HERC2: variants seen among roughly 807,000 people sequenced by gnomAD.
HERC2 encodes the protein E3 ubiquitin-protein ligase HERC2.
HERC2 carries 102 observed loss-of-function variants against 537.7 expected under a neutral mutation model. The ratio of observed to expected loss-of-function variants is 0.19; its 90% confidence interval spans 0.16 to 0.22. HERC2 has a LOEUF of 0.22. Among genes scored for constraint, HERC2 ranks in the 10% least tolerant of loss-of-function variants. HERC2 has a pLI of 1.00. For synonymous variants in HERC2, 2,224 were observed against 2,466.2 expected (o/e 0.90, Z 2.91); for missense variants, 4,236 against 6,198.2 (o/e 0.68, Z 10.63).
At chr15:28,115,614 C>T in intron 88 of HERC2, 73 bp from the exon 89 acceptor site, 1 of 1,013,972 alleles carries the variant, frequency 9.9e-7, no homozygotes, top group Non-Finnish European at 1.5e-6. Context: ...CTCACACACG[C>T]CACTGACAGC....
At chr15:28,290,797 G>A (rs2076289582) in intron 4 of HERC2, among the ~76,000 whole-genome samples, 1 of 152,312 alleles carries the variant, frequency 6.6e-6, no homozygotes, top group Admixed American at 6.5e-5. Context: ...CCAAATTTGT[G>A]AAATGTGGCT....
In HERC2 at chr15:28,124,198, T is replaced by C. The variant is rs369009846; in HGVS notation, c.13027A>G (p.Ile4343Val). Residue 4343 changes from isoleucine (I) to valine (V), a missense_variant, in exon 85 of 93, where the codon ATC (isoleucine) becomes GTC (valine). Transcript: ENST00000261609. ...AGCAGACGGTTCCTCAGCGCAATGATGGGGATCTCCTGCAGGTGATTGTAC... is the reference window on the plus strand; with the variant it reads ...AGCAGACGGTTCCTCAGCGCAATGACGGGGATCTCCTGCAGGTGATTGTAC... Reference protein sequence around the residue: ...MEYNHLQEIPIIALRNRLLLL... With the variant: ...MEYNHLQEIPVIALRNRLLLL... 234 of 1,542,398 alleles carry C rather than the reference T, an allele frequency of 1.5e-4. 1 individual carries two copies. The highest frequency in any genetic ancestry group is 1.2e-3 in the South Asian group (96 of 80,990).
At position 28,149,046 on chromosome 15, in the gene HERC2, A is replaced by G. The variant is rs562879719; in HGVS notation, c.10901-2702T>C. On this transcript the variant is annotated intron_variant, in intron 70 of 92. Transcript: ENST00000261609. The stretch of plus-strand genomic sequence containing the variant: ...CGGCCGCACAAACGTACATTCTAGT[A>G]AAATTACCGAAAAAACAAACGAGAC... Among the ~76,000 whole-genome samples, 70 of 152,048 alleles carry G rather than the reference A, an allele frequency of 4.6e-4. No homozygotes were observed. In the East Asian group the frequency reaches 0.013, roughly 28 times the overall value.
chr15:28,224,166 C>G (rs187911624), intron 35 of HERC2, among the ~76,000 whole-genome samples: 4,013 of 147,710 alleles, frequency 0.027, 188 homozygotes, highest in African/African-American at 0.095. Context: ...CACACACACA[C>G]AGAGAGAGAG....
intron 69 of HERC2, among the ~76,000 whole-genome samples, chr15:28,157,354 G>A (rs1402324157): frequency 6.6e-6 from 1 of 152,186 alleles, no homozygotes; most frequent in Non-Finnish European, 1.5e-5. Context: ...ACAGAATTCA[G>A]CTGTGATTCC....
At chr15:28,145,229 C>A (rs889104502) in intron 71 of HERC2, among the ~76,000 whole-genome samples, 28 of 152,228 alleles carry the variant, frequency 1.8e-4, no homozygotes, top group African/African-American at 6.5e-4. Flanking sequence ...CTAGCTCTCC[C>A]AACAAAAGGC....
In HERC2 at chr15:28,256,246, G is replaced by A. The variant is rs772430807; in HGVS notation, c.2589C>T (p.Asn863=). The A allele has an allele frequency of 3.8e-6, 6 of 1,598,992 alleles. No individual in the cohort carries two copies. The highest frequency in any genetic ancestry group is 2.2e-5 in the East Asian group (1 of 44,872). Residue 863 remains asparagine, a synonymous_variant, in exon 18 of 93, where the codon AAC becomes AAT. Coordinates refer to ENST00000261609, the MANE Select transcript of HERC2 (RefSeq NM_004667.6). ...LGLGLGSILL[N]SLKQTVVTLA... is the part of the protein sequence containing the mutation. ...GGGTCACCACCGTCTGCTTCAGGCT[G>A]TTCAGGAGGATGCTGCCCAGACCTA...
At chr15:28,198,236 A>C in intron 50 of HERC2, 142 bp downstream of exon 50, 1 of 905,166 alleles carries the variant, frequency 1.1e-6, no homozygotes, top group Non-Finnish European at 1.7e-6. Flanking sequence ...CCTTTGGCAG[A>C]AGGCACTGAC....
At chr15:28,214,007 A>C (rs1347567627) in intron 41 of HERC2, 35 bp from the exon 42 acceptor site, 1 of 1,610,252 alleles carries the variant, frequency 6.2e-7, no homozygotes, top group East Asian at 2.2e-5. Flanking sequence ...CGACAGAGAC[A>C]CTCACGGAGC....
chr15:28,309,520 T>A (rs959704036), intron 2 of HERC2, among the ~76,000 whole-genome samples: 5 of 152,046 alleles, frequency 3.3e-5, no homozygotes, highest in Non-Finnish European at 7.4e-5. Flanking sequence ...CCTTTTTCCA[T>A]CCCCCCGCAC....
At chr15:28,282,038 A>G (rs1230603783) in intron 4 of HERC2, among the ~76,000 whole-genome samples, 2 of 152,036 alleles carry the variant, frequency 1.3e-5, no homozygotes, top group East Asian at 1.9e-4. Context: ...AGTCATGTAC[A>G]CTCTGAAACA....
intron 70 of HERC2, among the ~76,000 whole-genome samples, chr15:28,150,733 A>C (rs988016555): frequency 2.6e-4 from 39 of 152,216 alleles, no homozygotes; most frequent in Non-Finnish European, 3.2e-4. Context: ...ACTAACCGAG[A>C]ACATCACCGA....
In HERC2 at chr15:28,176,418, G is replaced by A. The variant is rs757516204; in HGVS notation, c.9686+10C>T. ...GCACACACAGTGTGACAGGGAGGACGTTTACGTACCATGTCCACACCACTC... is the reference window on the plus strand; with the variant it reads ...GCACACACAGTGTGACAGGGAGGACATTTACGTACCATGTCCACACCACTC... On this transcript the variant is annotated intron_variant, in intron 63 of 92. Transcript: ENST00000261609. The surrounding 1 kb of genome is among the most constrained non-coding windows in gnomAD (Gnocchi z 5.0). The A allele has an allele frequency of 2.7e-5, 43 of 1,613,548 alleles. 1 individual carries two copies. In the South Asian group the frequency reaches 3.0e-4, roughly 11 times the overall value.
At chr15:28,199,745 T>C (rs1191904865) in intron 48 of HERC2, among the ~76,000 whole-genome samples, 2 of 151,396 alleles carry the variant, frequency 1.3e-5, no homozygotes, top group Non-Finnish European at 1.5e-5. Flanking sequence ...CCGGAGGGAG[T>C]ACATGCCTAT....
At position 28,202,380 on chromosome 15, in the gene HERC2, T is replaced by C; in HGVS notation, c.7447A>G (p.Thr2483Ala). ...RNIEFALKSL[T>A]GASGNASSLP... ...CTGGATGCATTCCCGGAAGCACCAG[T>C]GAGAGACTTCAGGGCAAACTCGATG... Residue 2483 changes from threonine (T) to alanine (A), a missense_variant, in exon 46 of 93, where the codon ACT (threonine) becomes GCT (alanine). Coordinates refer to ENST00000261609, the MANE Select transcript of HERC2 (RefSeq NM_004667.6). The C allele has an allele frequency of 6.2e-7, 1 of 1,613,628 alleles. No individual in the cohort carries two copies. Among genetic ancestry groups the C allele is most frequent in the South Asian group, 1.1e-5 (1 of 91,026 alleles).
chr15:28,180,054 G>A (rs946542756), intron 57 of HERC2, among the ~76,000 whole-genome samples: 4 of 152,130 alleles, frequency 2.6e-5, no homozygotes, highest in African/African-American at 9.7e-5. Context: ...TGGCCTTCAC[G>A]TTCACTCACC....
At chr15:28,253,618 C>CT (rs1403105891) in intron 20 of HERC2, among the ~76,000 whole-genome samples, 1 of 152,158 alleles carries the variant, frequency 6.6e-6, no homozygotes, top group Non-Finnish European at 1.5e-5. Flanking sequence ...TTTTGAGATC[C>CT]TTGTGCTAGA....
intron 10 of HERC2, among the ~76,000 whole-genome samples, chr15:28,269,860 T>G (rs1173174757): frequency 6.6e-6 from 1 of 152,274 alleles, no homozygotes; most frequent in Non-Finnish European, 1.5e-5. Flanking sequence ...CAGCCCACAC[T>G]AGGTGCATCC....
At chr15:28,269,457 C>T in intron 10 of HERC2, 21 bp from the exon 11 acceptor site, 1 of 1,573,014 alleles carries the variant, frequency 6.4e-7, no homozygotes, top group South Asian at 1.1e-5. Context: ...AGAAAGTAAA[C>T]ATTTCCTTTA....
Sources: gnomAD v4.1 joint callset for allele counts (sites outside exome capture counted in the v4.1 genomes callset) on GRCh38, gnomAD v4.1.1 for gene constraint, Gnocchi (gnomAD v3.1) non-coding constraint, MANE v1.5 for transcripts, NCBI Gene and HGNC (gene_info 2026-07-23, HGNC 2026-07-21) for gene names.